The following TMEFF2 variants were observed in gnomAD, a reference collection of about 807,000 sequenced individuals.
TMEFF2 encodes the protein transmembrane protein with EGF like and two follistatin like domains 2.
Under a neutral mutation model 53.8 loss-of-function variants are expected in TMEFF2, and 28 were observed. That is an observed-to-expected ratio of 0.52 (90% CI 0.39 to 0.71). TMEFF2 has a LOEUF of 0.71. Among genes scored for constraint, TMEFF2 ranks in the 30% least tolerant of loss-of-function variants. The probability of loss-of-function intolerance (pLI) is 0.00; values close to 1 mark genes in which losing one functional copy is unlikely to be tolerated. For missense variants in TMEFF2, 353 were observed against 455.2 expected (o/e 0.78, Z 2.04); for synonymous variants, 162 against 166.3 (o/e 0.97, Z 0.20).
intron 5 of TMEFF2, chr2:192,036,633 G>A (rs1021424951): frequency 6.6e-6 from 1 of 152,152 alleles, no homozygotes; most frequent in Non-Finnish European, 1.5e-5. Context: ...AGGCCTACTA[G>A]CACCTTCATG....
At chr2:192,141,936 A>T (rs1690148579) in intron 4 of TMEFF2, among the ~76,000 whole-genome samples, 1 of 152,222 alleles carries the variant, frequency 6.6e-6, no homozygotes, top group African/African-American at 2.4e-5. Flanking sequence ...GGAAAATTTA[A>T]CTAAAAAATG....
In TMEFF2 at chr2:192,194,226, G is replaced by A; in HGVS notation, c.172+127C>T. ...CTTGTTTCTCTGGATAGAGGTGGGT[G>A]GTATTAGGGGTCTAGGGCAGTAGGA... On this transcript the variant is annotated intron_variant, in intron 1 of 9. Coordinates refer to ENST00000272771, the MANE Select transcript of TMEFF2 (RefSeq NM_016192.4). The surrounding 1 kb of genome is among the most constrained non-coding windows in gnomAD (Gnocchi z 4.2). 9.2e-7 allele frequency: 1 copy of A among 1,081,632 alleles called. No homozygotes were observed. Among genetic ancestry groups the A allele is most frequent in the Non-Finnish European group, 1.4e-6 (1 of 736,126 alleles). The allele number at this position is 1,081,632 out of a possible 1,614,324, so 67.0% of individuals were successfully genotyped here.
intron 4 of TMEFF2, among the ~76,000 whole-genome samples, chr2:192,133,505 A>C (rs2105980650): frequency 6.6e-6 from 1 of 152,198 alleles, no homozygotes; most frequent in Admixed American, 6.5e-5. Context: ...CAATTCCCCC[A>C]TTTTAGCTGT....
intron 4 of TMEFF2, among the ~76,000 whole-genome samples, chr2:192,068,230 C>A (rs767046997): frequency 1.3e-5 from 2 of 151,852 alleles, no homozygotes; most frequent in Non-Finnish European, 2.9e-5. Context: ...AAGGCGTTAT[C>A]ATTAAGAAAG....
At chr2:191,986,880 G>A (rs1001183723) in intron 7 of TMEFF2, among the ~76,000 whole-genome samples, 27 of 131,512 alleles carry the variant, frequency 2.1e-4, no homozygotes, top group African/African-American at 5.7e-4. Context: ...AAAAAAAAAA[G>A]TGTGTTTGAA....
At chr2:192,133,451 C>A (rs571796259) in intron 4 of TMEFF2, among the ~76,000 whole-genome samples, 34 of 152,318 alleles carry the variant, frequency 2.2e-4, no homozygotes, top group African/African-American at 7.9e-4. Context: ...TGTTATCACT[C>A]GTCTGCTACA....
intron 4 of TMEFF2, among the ~76,000 whole-genome samples, chr2:192,123,829 G>A (rs1484689313): frequency 1.3e-5 from 2 of 152,196 alleles, no homozygotes; most frequent in African/African-American, 2.4e-5. Context: ...AAAATGTGCA[G>A]ATAGCTGCCT....
In TMEFF2 at chr2:192,024,861, C is replaced by T. The variant is rs182089485; in HGVS notation, c.537-25653G>A. Reference sequence around the variant, plus strand: ...TGGACTATGAGAAGAATAATTCTGCCACCTCTTTATGCAGCAGAGTTTTCT... The same window carrying T: ...TGGACTATGAGAAGAATAATTCTGCTACCTCTTTATGCAGCAGAGTTTTCT... On this transcript the variant is annotated intron_variant, in intron 5 of 9. Coordinates refer to ENST00000272771, the MANE Select transcript of TMEFF2 (RefSeq NM_016192.4). Among the ~76,000 whole-genome samples, 482 of 152,252 alleles carry T rather than the reference C, an allele frequency of 3.2e-3. 1 individual carries two copies. The highest frequency in any genetic ancestry group is 4.6e-3 in the Non-Finnish European group (314 of 68,016).
At chr2:191,974,849 G>A (rs1341184243) in intron 7 of TMEFF2, among the ~76,000 whole-genome samples, 1 of 151,980 alleles carries the variant, frequency 6.6e-6, no homozygotes, top group Non-Finnish European at 1.5e-5. Flanking sequence ...GGTTAATGGT[G>A]CAGAGAAAAT....
At chr2:191,950,536 G>A in intron 9 of TMEFF2, 129 bp from the exon 10 acceptor site, 1 of 1,308,916 alleles carries the variant, frequency 7.6e-7, no homozygotes, top group Admixed American at 1.8e-5. Flanking sequence ...TTTATCATTA[G>A]TAGAAGCTTG....
Position 192,135,490 on chromosome 2 carries a change from C to T in TMEFF2, c.439+44178G>A, listed in dbSNP as rs967306959. Among the ~76,000 whole-genome samples the T allele has an allele frequency of 2.6e-5, 4 of 152,212 alleles. No individual in the cohort carries two copies. In the East Asian group the frequency reaches 5.8e-4, roughly 22 times the overall value. On this transcript the variant is annotated intron_variant, in intron 4 of 9. Coordinates refer to ENST00000272771, the MANE Select transcript of TMEFF2 (RefSeq NM_016192.4). ...TTCTTCTAACAACCCAACAATACCA[C>T]CCCTTTCCACAAAATCTTCCTTCAG...
rs57057771 is a variant in TMEFF2 at position 191,975,265 on chromosome 2, CTTT to C, written c.746-18890_746-18888del. ...ATCAGGTGATTTTTTTCTTTTTCTT[CTTT>C]TTTTTTTTTTTTTGCCTAAAAAGGG... On this transcript the variant is annotated intron_variant, in intron 7 of 9. Transcript: ENST00000272771. 3.1e-3 allele frequency among the ~76,000 whole-genome samples: 276 copies of C among 88,364 alleles called. 4 individuals carry two copies. Among genetic ancestry groups the C allele is most frequent in the African/African-American group, 8.3e-3 (261 of 31,538 alleles). The allele number at this position is 88,364 out of a possible 152,430, so 58.0% of individuals were successfully genotyped here.
chr2:192,156,862 T>C (rs1233274756), intron 4 of TMEFF2, among the ~76,000 whole-genome samples: 1 of 152,066 alleles, frequency 6.6e-6, no homozygotes, highest in Non-Finnish European at 1.5e-5. Flanking sequence ...GGATTATTAG[T>C]CTAAACTGTT....
At chr2:192,184,186 T>C (rs1161584278) in intron 3 of TMEFF2, among the ~76,000 whole-genome samples, 168 bp downstream of exon 3, 1 of 152,090 alleles carries the variant, frequency 6.6e-6, no homozygotes, top group Non-Finnish European at 1.5e-5. Context: ...TGATTTGAAA[T>C]GTAAAAATGA....
chr2:192,130,999 G>A (rs2105976962), intron 4 of TMEFF2, among the ~76,000 whole-genome samples: 1 of 151,940 alleles, frequency 6.6e-6, no homozygotes, highest in East Asian at 2.0e-4. Flanking sequence ...AGACCACGCA[G>A]GGACGCCTGC....
chr2:192,051,277 C>T (rs1228672909), intron 5 of TMEFF2, among the ~76,000 whole-genome samples: 2 of 148,072 alleles, frequency 1.4e-5, no homozygotes, highest in Non-Finnish European at 3.0e-5. Flanking sequence ...TTAGAAACCA[C>T]ACCTAAAATT....
At position 192,038,966 on chromosome 2, in the gene TMEFF2, A is replaced by G. The variant is rs542319695; in HGVS notation, c.536+18713T>C. Among the ~76,000 whole-genome samples the G allele has an allele frequency of 1.1e-4, 17 of 152,348 alleles. No homozygotes were observed. The East Asian group carries it at 3.1e-3, about 28-fold the overall frequency. ...TAGAATTTAACTAAATTACATTTAA[A>G]AAAATGCAAGCCTATGGCCCTCATG... On this transcript the variant is annotated intron_variant, in intron 5 of 9. Transcript: ENST00000272771.
chr2:192,105,624 T>A (rs1385419587), intron 4 of TMEFF2, among the ~76,000 whole-genome samples: 1 of 151,956 alleles, frequency 6.6e-6, no homozygotes, highest in East Asian at 1.9e-4. Context: ...ACTTCAGAAC[T>A]AGAAAGCTTC....
chr2:192,122,328 A>G (rs183696586), intron 4 of TMEFF2, among the ~76,000 whole-genome samples: 41 of 152,316 alleles, frequency 2.7e-4, no homozygotes, highest in African/African-American at 7.7e-4. Flanking sequence ...AATATACAAG[A>G]GAAATATTTT....
Sources: gnomAD v4.1 joint callset for allele counts (sites outside exome capture counted in the v4.1 genomes callset) on GRCh38, gnomAD v4.1.1 for gene constraint, Gnocchi (gnomAD v3.1) non-coding constraint, MANE v1.5 for transcripts, NCBI Gene and HGNC (gene_info 2026-07-23, HGNC 2026-07-21) for gene names.